Variants in LDHAL6A observed in about 807,000 individuals in gnomAD.
The protein encoded by LDHAL6A is lactate dehydrogenase A like 6A, also known as L-lactate dehydrogenase A-like 6A.
Under a neutral mutation model 28.2 loss-of-function variants are expected in LDHAL6A, and 19 were observed. The observed-to-expected ratio is 0.67, with a 90% CI of 0.47 to 0.99. The LOEUF is 0.99. Among genes scored for constraint, LDHAL6A ranks in the 50% least tolerant of loss-of-function variants. LDHAL6A has a pLI of 0.00. For synonymous variants in LDHAL6A, 144 were observed against 134.4 expected (o/e 1.07, Z -0.49); for missense variants, 372 against 398.6 (o/e 0.93, Z 0.57).
chr11:18,464,968 G>GTTTTTTTTTTTTTT (rs1565068644), intron 2 of LDHAL6A, among the ~76,000 whole-genome samples: 5 of 3,794 alleles, frequency 1.3e-3, no homozygotes, highest in African/African-American at 2.3e-3. Flanking sequence ...GAGGTGAGGT[G>GTTTTTTTTTTTTTT]TTTTTTTTGT....
chr11:18,459,279 G>T (rs1244357883), intron 1 of LDHAL6A, among the ~76,000 whole-genome samples: 2 of 152,202 alleles, frequency 1.3e-5, no homozygotes, highest in African/African-American at 4.8e-5. Context: ...GACTAGACTG[G>T]CTAAGTCTTC....
chr11:18,463,877 A>G, intron 1 of LDHAL6A, 84 bp from the exon 2 acceptor site: 1 of 815,448 alleles, frequency 1.2e-6, no homozygotes, highest in East Asian at 2.5e-5. Flanking sequence ...AGCTAGACAT[A>G]GATCACCAAT....
intron 3 of LDHAL6A, among the ~76,000 whole-genome samples, chr11:18,470,217 G>A (rs1337880425): frequency 6.6e-6 from 1 of 152,194 alleles, no homozygotes; most frequent in Non-Finnish European, 1.5e-5. Flanking sequence ...GAGCCACCGC[G>A]TGGCACTGAA....
chr11:18,476,274 A>G (rs1590262105), intron 4 of LDHAL6A, 110 bp from the exon 5 acceptor site: 2 of 1,265,308 alleles, frequency 1.6e-6, no homozygotes, highest in South Asian at 1.8e-5. Flanking sequence ...ATATCGGAAC[A>G]TTCCTAGTTG....
chr11:18,468,335 G>GTT (rs536487127), intron 3 of LDHAL6A: 62 of 142,558 alleles, frequency 4.3e-4, no homozygotes, highest in Middle Eastern at 3.6e-3. Context: ...GGATGTATAG[G>GTT]TTTTTTTTTT....
chr11:18,475,657 T>C lies in LDHAL6A; in HGVS notation c.592+18T>C, dbSNP rs373242445. ...CTCAAGTGGTAAGCCTGAGGCACGA[T>C]TGAGCCTCTGAAATATCTATTTCCT... On this transcript the variant is annotated intron_variant, in intron 4 of 6. Transcript: ENST00000280706. 4.6e-5 allele frequency: 74 copies of C among 1,600,184 alleles called. No homozygotes were observed. The African/African-American group carries it at 5.8e-4, about 12-fold the overall frequency.
Position 18,478,684 on chromosome 11 carries a change from ATTT to A in LDHAL6A, c.835-19_835-17del. ...GCAGAACTTTGTTAAAAAAGGAATAATTTTTAAGTCTTTACTTTCAGGGCCTCT... is the reference window on the plus strand; with the variant it reads ...GCAGAACTTTGTTAAAAAAGGAATAATTAAGTCTTTACTTTCAGGGCCTCT... On this transcript the variant is annotated intron_variant, in intron 6 of 6. Transcript: ENST00000280706. 1 of 1,579,120 alleles carries A rather than the reference ATTT, an allele frequency of 6.3e-7. No homozygotes were observed. The highest frequency in any genetic ancestry group is 8.6e-7 in the Non-Finnish European group (1 of 1,159,446).
In LDHAL6A at chr11:18,465,753, A is replaced by G; in HGVS notation, c.361A>G (p.Ile121Val). ...QRNVSIFKLM[I>V]PNITQYSPHC... ...AAATGTATCCATCTTTAAATTAATG[A>G]TTCCCAATATTACCCAGTACAGTCC... is the stretch of plus-strand genomic sequence containing the variant. Residue 121 changes from isoleucine (I) to valine (V), a missense_variant, in exon 3 of 7, where the codon ATT becomes GTT. Ile to Val is a conservative substitution (Grantham distance 29). Transcript: ENST00000280706. The G allele has an allele frequency of 6.2e-7, 1 of 1,613,754 alleles. No homozygotes were observed. The highest frequency in any genetic ancestry group is 8.5e-7 in the Non-Finnish European group (1 of 1,179,662).
intron 3 of LDHAL6A, 30 bp from the exon 4 acceptor site, chr11:18,475,436 C>T: frequency 6.5e-7 from 1 of 1,542,126 alleles, no homozygotes; most frequent in Non-Finnish European, 8.9e-7. Flanking sequence ...TAGATGAGGA[C>T]ATTTCTTGAT....
At chr11:18,476,957 T>C (rs368266193) in intron 5 of LDHAL6A, among the ~76,000 whole-genome samples, 16 of 151,594 alleles carry the variant, frequency 1.1e-4, no homozygotes, top group South Asian at 4.2e-4. Context: ...CTGGGCAACA[T>C]AGGGAGACCC....
intron 3 of LDHAL6A, 122 bp from the exon 4 acceptor site, chr11:18,475,344 A>G: frequency 1.3e-6 from 1 of 748,546 alleles, no homozygotes; most frequent in East Asian, 2.5e-5. Flanking sequence ...GGGGTTGGAT[A>G]GAGAACCATG....
intron 1 of LDHAL6A, among the ~76,000 whole-genome samples, chr11:18,461,176 G>T (rs1488319048): frequency 7.1e-6 from 1 of 140,524 alleles, no homozygotes; most frequent in Non-Finnish European, 1.5e-5. Context: ...ACAGAATCTC[G>T]CTCTGTTGCC....
At chr11:18,458,751 C>A (rs891966754) in intron 1 of LDHAL6A, among the ~76,000 whole-genome samples, 1 of 151,448 alleles carries the variant, frequency 6.6e-6, no homozygotes, top group African/African-American at 2.4e-5. Flanking sequence ...TACCATAATA[C>A]ATAAACTTTA....
At chr11:18,467,618 G>A (rs1849105954) in intron 3 of LDHAL6A, among the ~76,000 whole-genome samples, 2 of 151,618 alleles carry the variant, frequency 1.3e-5, no homozygotes, top group Non-Finnish European at 2.9e-5. Context: ...CAGCACTTTG[G>A]GAGCTGAGCC....
intron 1 of LDHAL6A, among the ~76,000 whole-genome samples, chr11:18,459,309 G>C (rs746902971): frequency 1.3e-5 from 2 of 152,126 alleles, no homozygotes; most frequent in Non-Finnish European, 2.9e-5. Flanking sequence ...TCTTTCTTTC[G>C]TGCTGGATGC....
intron 3 of LDHAL6A, chr11:18,469,016 C>T (rs1849193346): frequency 7.5e-6 from 3 of 397,922 alleles, no homozygotes; most frequent in African/African-American, 6.2e-5. Flanking sequence ...CTGAAAATAA[C>T]AAGCTGATGA....
At chr11:18,471,762 TAAAAA>T (rs755779286) in intron 3 of LDHAL6A, among the ~76,000 whole-genome samples, 4 of 119,002 alleles carry the variant, frequency 3.4e-5, no homozygotes, top group Non-Finnish European at 6.9e-5. Context: ...CTGTCTCTAT[TAAAAA>T]AAAAAAAAAA....
intron 3 of LDHAL6A, among the ~76,000 whole-genome samples, chr11:18,466,306 A>C (rs1432105471): frequency 2.0e-5 from 3 of 151,948 alleles, no homozygotes; most frequent in Non-Finnish European, 4.4e-5. Context: ...TGTTAGTGTA[A>C]TATGTACTTT....
chr11:18,467,906 T>TATATACAC (rs1849121149), intron 3 of LDHAL6A, among the ~76,000 whole-genome samples: 3 of 71,446 alleles, frequency 4.2e-5, no homozygotes, highest in Admixed American at 1.7e-4. Flanking sequence ...TATATATATA[T>TATATACAC]ATATATATAT....
Sources: allele counts gnomAD v4.1 joint callset (sites outside exome capture counted in the v4.1 genomes callset), GRCh38; gene constraint gnomAD v4.1.1; transcripts MANE v1.5; gene names NCBI Gene and HGNC (gene_info 2026-07-23, HGNC 2026-07-21).